CD2AP: variants seen among roughly 807,000 people sequenced by gnomAD.
CD2AP encodes CD2 associated protein, also known as CD2-associated protein.
CD2AP carries 46 observed loss-of-function variants against 85.1 expected under a neutral mutation model. The ratio of observed to expected loss-of-function variants is 0.54; its 90% CI spans 0.43 to 0.69. The LOEUF is 0.69. Among genes scored for constraint, CD2AP ranks in the 30% least tolerant of loss-of-function variants. The probability of loss-of-function intolerance (pLI) is 0.00; values close to 1 mark genes in which losing one functional copy is unlikely to be tolerated. For synonymous variants in CD2AP, 255 were observed against 252.9 expected (o/e 1.01, Z -0.08); for missense variants, 769 against 729.5 (o/e 1.05, Z -0.62).
Position 47,612,485 on chromosome 6 carries a change from A to G in CD2AP, c.1827A>G (p.Glu609=). 15 of 1,603,180 alleles carry G rather than the reference A, an allele frequency of 9.4e-6. No individual in the cohort carries two copies. The highest frequency in any genetic ancestry group is 1.3e-5 in the Non-Finnish European group (15 of 1,170,462). ...ALKKDHGKEL[E]KLRKDLEEEK... The stretch of plus-strand genomic sequence containing the variant: ...ACTTTGTTTTTAGGAAAGAACTGGA[A>G]AAACTGCGAAAAGATTTGGAAGAAG... Residue 609 remains glutamate (E), a synonymous_variant, in exon 17 of 18, where the codon GAA becomes GAG. Coordinates refer to ENST00000359314, the MANE Select transcript of CD2AP (RefSeq NM_012120.3).
chr6:47,532,916 A>G (rs762272718), intron 2 of CD2AP, among the ~76,000 whole-genome samples: 2 of 152,160 alleles, frequency 1.3e-5, no homozygotes, highest in Non-Finnish European at 2.9e-5. Flanking sequence ...TTCCAGTAAA[A>G]TTTTATACTT....
At chr6:47,572,508 A>G (rs1029937071) in intron 5 of CD2AP, among the ~76,000 whole-genome samples, 2 of 152,210 alleles carry the variant, frequency 1.3e-5, no homozygotes, top group Non-Finnish European at 2.9e-5. Flanking sequence ...GTAGATCACT[A>G]TACTTGTTAG....
At chr6:47,541,635 G>T (rs911724123) in intron 3 of CD2AP, among the ~76,000 whole-genome samples, 4 of 152,130 alleles carry the variant, frequency 2.6e-5, no homozygotes, top group African/African-American at 9.7e-5. Flanking sequence ...TGTTTTGGGG[G>T]TGAAGTTAGA....
Position 47,624,393 on chromosome 6 carries a change from A to G in CD2AP, c.*166A>G, listed in dbSNP as rs567422637. 5.1e-5 allele frequency: 30 copies of G among 592,024 alleles called. No homozygotes were observed. Among genetic ancestry groups the G allele is most frequent in the Non-Finnish European group, 9.0e-5 (30 of 334,140 alleles). 36.7% of individuals were successfully genotyped at this position (592,024 alleles called of 1,614,324 possible). ...AGAGTGAGGGTGAATTTATATATAT[A>G]TTTTGTTTTGCCAATATGAAGAAAA... On this transcript the variant is annotated 3_prime_UTR_variant, in exon 18 of 18. Coordinates refer to ENST00000359314, the MANE Select transcript of CD2AP (RefSeq NM_012120.3).
chr6:47,552,142 A>G lies in CD2AP; in HGVS notation c.421-2504A>G, dbSNP rs546888989. Among the ~76,000 whole-genome samples, 7 of 151,738 alleles carry G rather than the reference A, an allele frequency of 4.6e-5. No individual in the cohort carries two copies. In the East Asian group the frequency reaches 7.8e-4, roughly 17 times the overall value. On this transcript the variant is annotated intron_variant, in intron 4 of 17. Coordinates refer to ENST00000359314, the MANE Select transcript of CD2AP (RefSeq NM_012120.3). ...AGTCCTTGCAGTCTGTTTTTTTTAA[A>G]TTTTTTAATTTTTTTATTTCAATAG... is the stretch of plus-strand genomic sequence containing the variant.
At chr6:47,553,408 G>A (rs1182380267) in intron 4 of CD2AP, among the ~76,000 whole-genome samples, 10 of 150,038 alleles carry the variant, frequency 6.7e-5, no homozygotes, top group African/African-American at 1.2e-4. Context: ...GAGCAGTGGC[G>A]CCATCTCAGC....
chr6:47,486,020 A>C (rs1013081941), intron 1 of CD2AP, among the ~76,000 whole-genome samples: 13 of 152,160 alleles, frequency 8.5e-5, no homozygotes, highest in Admixed American at 8.5e-4. Context: ...GCATAACTGC[A>C]CTTTTAAGTG....
chr6:47,624,048 G>A (rs1369810803), intron 17 of CD2AP, 138 bp from the exon 18 acceptor site: 2 of 708,004 alleles, frequency 2.8e-6, no homozygotes, highest in Admixed American at 2.3e-5. Flanking sequence ...CCAAATTATA[G>A]CATGGGAAAC....
chr6:47,556,223 C>T (rs1017447159), intron 5 of CD2AP, among the ~76,000 whole-genome samples: 7 of 149,324 alleles, frequency 4.7e-5, no homozygotes, highest in African/African-American at 1.5e-4. Flanking sequence ...CCCTCACCCC[C>T]CTCCCCCTGA....
At chr6:47,596,879 A>G (rs751585032) in intron 12 of CD2AP, among the ~76,000 whole-genome samples, 39 of 152,120 alleles carry the variant, frequency 2.6e-4, no homozygotes, top group Non-Finnish European at 4.6e-4. Context: ...TCCTACCAGC[A>G]GTGTGCAAGG....
intron 12 of CD2AP, among the ~76,000 whole-genome samples, 162 bp from the exon 13 acceptor site, chr6:47,599,139 T>C (rs1769033847): frequency 6.6e-6 from 1 of 152,026 alleles, no homozygotes; most frequent in African/African-American, 2.4e-5. Context: ...TTTATTTTAT[T>C]GTGATCAGCC....
At chr6:47,519,961 A>G (rs1221645881) in intron 2 of CD2AP, among the ~76,000 whole-genome samples, 2 of 152,212 alleles carry the variant, frequency 1.3e-5, no homozygotes, top group Non-Finnish European at 2.9e-5. Flanking sequence ...TGCTTAAACT[A>G]GATAGTAAAA....
chr6:47,499,039 A>G (rs1475070787), intron 1 of CD2AP, among the ~76,000 whole-genome samples: 1 of 152,210 alleles, frequency 6.6e-6, no homozygotes, highest in Non-Finnish European at 1.5e-5. Flanking sequence ...TTTGGCCAGT[A>G]AGAACCCTTT....
intron 11 of CD2AP, among the ~76,000 whole-genome samples, chr6:47,584,151 G>A (rs1424679235): frequency 6.6e-6 from 1 of 151,798 alleles, no homozygotes; most frequent in Admixed American, 6.6e-5. Context: ...CAATCCTTTA[G>A]TAGATGTCTT....
In CD2AP at chr6:47,544,474, G is replaced by C; in HGVS notation, c.320-132G>C. On this transcript the variant is annotated intron_variant, in intron 3 of 17. Coordinates refer to ENST00000359314, the MANE Select transcript of CD2AP (RefSeq NM_012120.3). ...AGCTAACCAGGGCTGATTGTGATTAGCTGTTTAGAATGCTCATACGTTCTG... is the reference window on the plus strand; with the variant it reads ...AGCTAACCAGGGCTGATTGTGATTACCTGTTTAGAATGCTCATACGTTCTG... 3 of 646,104 alleles carry C rather than the reference G, an allele frequency of 4.6e-6. No individual in the cohort carries two copies. The South Asian group carries it at 5.8e-5, about 12-fold the overall frequency. 40.0% of individuals were successfully genotyped at this position (646,104 alleles called of 1,614,324 possible). A position where few individuals can be genotyped will look rare whatever the true frequency, so the allele number is the denominator to read the frequency against.
chr6:47,503,777 C>G (rs1403979152), intron 2 of CD2AP, among the ~76,000 whole-genome samples: 1 of 152,096 alleles, frequency 6.6e-6, no homozygotes, highest in Admixed American at 6.5e-5. Flanking sequence ...CTCATTTGAG[C>G]CTACAGTATA....
intron 2 of CD2AP, among the ~76,000 whole-genome samples, chr6:47,507,072 A>G (rs1054303987): frequency 3.4e-4 from 52 of 152,306 alleles, no homozygotes; most frequent in African/African-American, 1.3e-3. Context: ...AACAATACTC[A>G]CCGTGTCTTC....
chr6:47,503,434 C>T lies in CD2AP; in HGVS notation c.159C>T (p.Phe53=), dbSNP rs551729252. Residue 53 remains phenylalanine (F), a synonymous_variant, in exon 2 of 18, where the codon TTC becomes TTT. Coordinates refer to ENST00000359314, the MANE Select transcript of CD2AP (RefSeq NM_012120.3). ...NGRRGMFPDN[F]VKEIKRETEF... ...GAAGAGGAATGTTCCCTGACAATTT[C>T]GTTAAGGTAAGTATTTTCAGTTAAA... 54 of 1,613,394 alleles carry T rather than the reference C, an allele frequency of 3.3e-5. No homozygotes were observed. In the Middle Eastern group the frequency reaches 5.0e-4, roughly 15 times the overall value.
chr6:47,482,380 CTTTTT>C (rs531967845), intron 1 of CD2AP, among the ~76,000 whole-genome samples: 5 of 133,490 alleles, frequency 3.7e-5, no homozygotes, highest in African/African-American at 1.4e-4. Flanking sequence ...TTTTTTTTGT[CTTTTT>C]TTTTTTTTTT....
Sources: gnomAD v4.1 joint callset for allele counts (sites outside exome capture counted in the v4.1 genomes callset) on GRCh38, gnomAD v4.1.1 for gene constraint, MANE v1.5 for transcripts, NCBI Gene and HGNC (gene_info 2026-07-23, HGNC 2026-07-21) for gene names.